The following MKRN2 variants were observed in gnomAD, a reference collection of about 807,000 sequenced individuals.
MKRN2 encodes the protein makorin ring finger protein 2, also known as E3 ubiquitin-protein ligase makorin-2.
A neutral mutation model predicts 45.4 loss-of-function variants in MKRN2; 32 were observed. That is an observed-to-expected ratio of 0.70 (90% CI 0.53 to 0.95). The LOEUF is 0.95. MKRN2 is among the 40% of genes least tolerant of loss of function. MKRN2 has a pLI of 0.00. For missense variants in MKRN2, 526 were observed against 536.7 expected (o/e 0.98, Z 0.20); for synonymous variants, 206 against 192.4 (o/e 1.07, Z -0.59).
intron 6 of MKRN2, among the ~76,000 whole-genome samples, chr3:12,578,399 C>T (rs2058156342): frequency 1.4e-5 from 2 of 147,796 alleles, no homozygotes; most frequent in Admixed American, 6.9e-5. Flanking sequence ...CAGCTCACTG[C>T]CACCTCCGCC....
intron 1 of MKRN2, among the ~76,000 whole-genome samples, chr3:12,567,373 C>G (rs1275834079): frequency 6.6e-6 from 1 of 151,416 alleles, no homozygotes; most frequent in African/African-American, 2.4e-5. Flanking sequence ...TGGGTTTAAG[C>G]AATCCTCCTG....
chr3:12,578,666 T>G (rs2058158496), intron 6 of MKRN2, among the ~76,000 whole-genome samples: 3 of 152,186 alleles, frequency 2.0e-5, no homozygotes, highest in African/African-American at 7.2e-5. Context: ...TTCTTTGTGT[T>G]TACTCCTCCA....
intron 2 of MKRN2, among the ~76,000 whole-genome samples, 165 bp downstream of exon 2, chr3:12,569,168 C>T (rs967176242): frequency 6.8e-6 from 1 of 146,436 alleles, no homozygotes; most frequent in African/African-American, 2.5e-5. Context: ...ATTTTCTTTT[C>T]TTTTTTTTTT....
chr3:12,567,235 G>A (rs1029867838), intron 1 of MKRN2, among the ~76,000 whole-genome samples: 1 of 150,262 alleles, frequency 6.7e-6, no homozygotes, highest in East Asian at 1.9e-4. Context: ...AGCCTTATTA[G>A]GGTGTGTCTA....
intron 1 of MKRN2, among the ~76,000 whole-genome samples, chr3:12,562,804 C>CT (rs1362198230): frequency 3.3e-5 from 5 of 151,568 alleles, no homozygotes; most frequent in Non-Finnish European, 7.4e-5. Flanking sequence ...AATCTAATGC[C>CT]TGATGAACTG....
At chr3:12,569,147 C>A in intron 2 of MKRN2, 144 bp downstream of exon 2, 1 of 1,048,718 alleles carries the variant, frequency 9.5e-7, no homozygotes, top group Non-Finnish European at 1.3e-6. Flanking sequence ...AGTTTCAGTA[C>A]CCTAAAACTA....
chr3:12,567,425 A>G (rs1185480295), intron 1 of MKRN2, among the ~76,000 whole-genome samples: 2 of 148,076 alleles, frequency 1.4e-5, no homozygotes, highest in East Asian at 4.0e-4. Context: ...GCATACCACC[A>G]TGCTAGGCTA....
Position 12,557,257 on chromosome 3 carries a change from G to A in MKRN2, c.26+81G>A, listed in dbSNP as rs912243077. ...GGTGCGCGCCAGTGCTGTGGTCCGGGAACCTGAGGCTAGAGCGGGACTCGG... is the reference window on the plus strand; with the variant it reads ...GGTGCGCGCCAGTGCTGTGGTCCGGAAACCTGAGGCTAGAGCGGGACTCGG... On this transcript the variant is annotated intron_variant, in intron 1 of 7. Coordinates refer to ENST00000170447, the MANE Select transcript of MKRN2 (RefSeq NM_014160.5). 4.7e-6 allele frequency: 7 copies of A among 1,495,796 alleles called. No homozygotes were observed. In the African/African-American group the frequency reaches 8.7e-5, roughly 18 times the overall value. 92.7% of individuals were successfully genotyped at this position (1,495,796 alleles called of 1,614,324 possible). A position where few individuals can be genotyped will look rare whatever the true frequency, so the allele number is the denominator to read the frequency against.
At chr3:12,562,125 A>G (rs1265834125) in intron 1 of MKRN2, among the ~76,000 whole-genome samples, 1 of 152,090 alleles carries the variant, frequency 6.6e-6, no homozygotes, top group Non-Finnish European at 1.5e-5. Context: ...ATGCAGCAAC[A>G]TGTGTCCAGG....
intron 6 of MKRN2, among the ~76,000 whole-genome samples, chr3:12,577,884 C>T (rs1034420781): frequency 6.6e-6 from 1 of 152,058 alleles, no homozygotes; most frequent in Non-Finnish European, 1.5e-5. Flanking sequence ...ACCATGTTAG[C>T]CTGGCTGGTC....
At chr3:12,566,469 TC>T (rs1430787283) in intron 1 of MKRN2, among the ~76,000 whole-genome samples, 1 of 152,210 alleles carries the variant, frequency 6.6e-6, no homozygotes, top group African/African-American at 2.4e-5. Flanking sequence ...TCTCTCTCTC[TC>T]TCAGATGGTT....
chr3:12,560,998 G>T (rs2058032763), intron 1 of MKRN2: 1 of 152,244 alleles, frequency 6.6e-6, no homozygotes, highest in Non-Finnish European at 1.5e-5. Flanking sequence ...CAAGCAGGAT[G>T]TGCTCTAGGT....
At chr3:12,567,733 C>T (rs1048575813) in intron 1 of MKRN2, among the ~76,000 whole-genome samples, 17 of 151,966 alleles carry the variant, frequency 1.1e-4, no homozygotes, top group African/African-American at 3.6e-4. Context: ...TCAGGTGATG[C>T]GCCCGCCTTG....
At chr3:12,576,189 A>ATGTGTGTGTGTGTG (rs59197804) in intron 5 of MKRN2, among the ~76,000 whole-genome samples, 8 of 143,220 alleles carry the variant, frequency 5.6e-5, no homozygotes, top group East Asian at 2.1e-4. Flanking sequence ...GAAACCATAT[A>ATGTGTGTGTGTGTG]TGTGTGTGTG....
At chr3:12,560,959 T>C (rs997562302) in intron 1 of MKRN2, 4 of 152,222 alleles carry the variant, frequency 2.6e-5, no homozygotes, top group African/African-American at 9.7e-5. Flanking sequence ...GGAGTGACTA[T>C]AAGCACATGA....
Position 12,576,197 on chromosome 3 carries a change from G to A in MKRN2, c.858-434G>A, listed in dbSNP as rs899271030. 1.7e-4 allele frequency among the ~76,000 whole-genome samples: 22 copies of A among 127,574 alleles called. No individual in the cohort carries two copies. The South Asian group carries it at 2.2e-3, about 13-fold the overall frequency. 83.7% of individuals were successfully genotyped at this position (127,574 alleles called of 152,430 possible). The stretch of plus-strand genomic sequence containing the variant: ...TGTTGAGGAAACCATATATGTGTGT[G>A]TGTGTGTGTGTGTGTGTGTGTGTGT... On this transcript the variant is annotated intron_variant, in intron 5 of 7. Transcript: ENST00000170447.
At chr3:12,562,509 A>C (rs755382794) in intron 1 of MKRN2, among the ~76,000 whole-genome samples, 1 of 152,222 alleles carries the variant, frequency 6.6e-6, no homozygotes. Context: ...CTTTTTAAAA[A>C]ATAAAACTTT....
chr3:12,568,697 G>A (rs560311723), intron 1 of MKRN2, among the ~76,000 whole-genome samples, 178 bp from the exon 2 acceptor site: 114 of 152,274 alleles, frequency 7.5e-4, no homozygotes, highest in Non-Finnish European at 1.2e-3. Flanking sequence ...CAGTTGTAGT[G>A]CCTCTGAAAT....
rs2058210821 is a variant in MKRN2, at chr3:12,583,636, A to ATGT, written c.*1384_*1385insGTT. 3.4e-5 allele frequency: 8 copies of ATGT among 232,776 alleles called. No individual in the cohort carries two copies. The Admixed American group carries it at 3.9e-4, about 11-fold the overall frequency. 14.4% of individuals were successfully genotyped at this position (232,776 alleles called of 1,614,324 possible). A position where few individuals can be genotyped will look rare whatever the true frequency, so the allele number is the denominator to read the frequency against. On this transcript the variant is annotated 3_prime_UTR_variant, in exon 8 of 8. Coordinates refer to ENST00000170447, the MANE Select transcript of MKRN2 (RefSeq NM_014160.5). ...ATTTAATTTATTTTATTAAAATAAC[A>ATGT]TAATTGAGGGACCATCAGATAACTG...
Sources: gnomAD v4.1 joint callset for allele counts (sites outside exome capture counted in the v4.1 genomes callset) on GRCh38, gnomAD v4.1.1 for gene constraint, MANE v1.5 for transcripts, NCBI Gene and HGNC (gene_info 2026-07-23, HGNC 2026-07-21) for gene names.